DISC1: variants seen among roughly 807,000 people sequenced by gnomAD.
DISC1 encodes DISC1 scaffold protein, also known as disrupted in schizophrenia 1 protein.
A neutral mutation model predicts 84.5 loss-of-function variants in DISC1; 57 were observed. That is an observed-to-expected ratio of 0.67 (90% CI 0.55 to 0.84). DISC1 has a LOEUF of 0.84. Ranked by LOEUF, DISC1 falls within the 40% of genes least tolerant of loss-of-function variation. The pLI, the probability that DISC1 is intolerant of heterozygous loss-of-function variation, is 0.00. For synonymous variants in DISC1, 411 were observed against 415.2 expected (o/e 0.99, Z 0.12); for missense variants, 1,000 against 1,057.8 (o/e 0.95, Z 0.76).
intron 1 of DISC1, among the ~76,000 whole-genome samples, chr1:231,687,530 G>A (rs2064443978): frequency 6.6e-6 from 1 of 152,140 alleles, no homozygotes; most frequent in Admixed American, 6.5e-5. Flanking sequence ...CACAACATGG[G>A]AATTATAGGA....
At chr1:231,724,510 A>G (rs2070342540) in intron 3 of DISC1, among the ~76,000 whole-genome samples, 1 of 152,198 alleles carries the variant, frequency 6.6e-6, no homozygotes, top group African/African-American at 2.4e-5. Flanking sequence ...CCAGCGTACA[A>G]TAACCGCTGT....
At chr1:231,752,313 G>C (rs2074684990) in intron 4 of DISC1, among the ~76,000 whole-genome samples, 1 of 152,114 alleles carries the variant, frequency 6.6e-6, no homozygotes, top group African/African-American at 2.4e-5. Context: ...TTCTGGGGAG[G>C]CCTCAGTAAA....
At chr1:231,725,487 C>A (rs2070519626) in intron 3 of DISC1, among the ~76,000 whole-genome samples, 1 of 152,114 alleles carries the variant, frequency 6.6e-6, no homozygotes, top group Non-Finnish European at 1.5e-5. Context: ...TCTAAATAAC[C>A]CACCCCTCAA....
chr1:231,786,911 C>T (rs1057203838), intron 6 of DISC1, among the ~76,000 whole-genome samples: 4 of 152,144 alleles, frequency 2.6e-5, no homozygotes, highest in Non-Finnish European at 5.9e-5. Context: ...AGGCACTTCT[C>T]GTTTTGGCTG....
chr1:231,723,603 C>A (rs926671294), intron 3 of DISC1: 8 of 985,380 alleles, frequency 8.1e-6, no homozygotes, highest in Non-Finnish European at 8.4e-6. Context: ...AAATATTGGT[C>A]CTATTCTGTC....
chr1:231,967,794 TATCTC>T (rs1299778236), intron 10 of DISC1, among the ~76,000 whole-genome samples: 1 of 152,210 alleles, frequency 6.6e-6, no homozygotes, highest in East Asian at 1.9e-4. Context: ...ACTTTTACCT[TATCTC>T]ATCAGAAAAA....
At chr1:231,983,643 G>A (rs868705392) in intron 10 of DISC1, among the ~76,000 whole-genome samples, 3 of 138,364 alleles carry the variant, frequency 2.2e-5, no homozygotes, top group Non-Finnish European at 4.7e-5. Context: ...TTGGGGGTTG[G>A]GGGGAGGGGG....
At chr1:231,811,514 C>T (rs921014422) in intron 8 of DISC1, among the ~76,000 whole-genome samples, 3 of 152,218 alleles carry the variant, frequency 2.0e-5, no homozygotes, top group Non-Finnish European at 2.9e-5. Flanking sequence ...ATTCTCAGCA[C>T]TGGCTTTATT....
chr1:231,818,277 G>A (rs2081230901), intron 8 of DISC1, 52 bp from the exon 9 acceptor site: 1 of 1,564,576 alleles, frequency 6.4e-7, no homozygotes, highest in South Asian at 1.1e-5. Flanking sequence ...TTCCATGTGT[G>A]TGGATGCTGT....
chr1:231,703,188 G>C (rs963279322), intron 3 of DISC1, among the ~76,000 whole-genome samples: 1 of 152,198 alleles, frequency 6.6e-6, no homozygotes, highest in African/African-American at 2.4e-5. Context: ...ACGGGGCATG[G>C]GAGGAAGGGA....
At chr1:231,957,296 G>A (rs9308480) in intron 9 of DISC1, among the ~76,000 whole-genome samples, 3,915 of 152,082 alleles carry the variant, frequency 0.026, 157 homozygotes, top group African/African-American at 0.089. Context: ...CCCTCCCTCC[G>A]CAAACTTTTA....
In DISC1 at chr1:231,847,590, G is replaced by A. The variant is rs543281512; in HGVS notation, c.1981+29073G>A. 2.6e-5 allele frequency among the ~76,000 whole-genome samples: 4 copies of A among 152,208 alleles called. No homozygotes were observed. In the South Asian group the frequency reaches 8.3e-4, roughly 32 times the overall value. ...CCTCACCGGACCCTTCTCCGTCCTC[G>A]CTCCTTCACATGCTGGAACCTTCCT... On this transcript the variant is annotated intron_variant, in intron 9 of 12. Transcript: ENST00000439617.
intron 7 of DISC1, 152 bp from the exon 8 acceptor site, chr1:231,799,956 C>T: frequency 2.3e-6 from 1 of 429,868 alleles, no homozygotes; most frequent in Non-Finnish European, 4.1e-6. Flanking sequence ...CTTTCTTTTT[C>T]CATTGCTTGC....
intron 9 of DISC1, among the ~76,000 whole-genome samples, chr1:231,878,584 T>A (rs991451168): frequency 6.6e-6 from 1 of 152,116 alleles, no homozygotes; most frequent in African/African-American, 2.4e-5. Context: ...ACTTTCATCT[T>A]TATATAAAGG....
Position 231,801,342 on chromosome 1 carries a change from A to G in DISC1, c.1792+1132A>G, listed in dbSNP as rs550948957. On this transcript the variant is annotated intron_variant, in intron 8 of 12. Transcript: ENST00000439617. ...TTAGGGTTTTTGCCTTTCTTAATCA[A>G]TATATCTTTCCCAGGAATACCGGTG... Among the ~76,000 whole-genome samples the G allele has an allele frequency of 3.3e-5, 5 of 152,330 alleles. No individual in the cohort carries two copies. In the East Asian group the frequency reaches 9.6e-4, roughly 29 times the overall value.
At position 231,897,257 on chromosome 1, in the gene DISC1, C is replaced by T. The variant is rs557096908; in HGVS notation, c.1982-61571C>T. On this transcript the variant is annotated intron_variant, in intron 9 of 12. Transcript: ENST00000439617. This position sits in a 1 kb window ranked among gnomAD's most constrained non-coding sequence, Gnocchi z 4.5. ...AAACCTCGGTGAACTGACTTGGGTACGCTTCTGCCAGAATAAGAAGAGGTC... is the reference window on the plus strand; with the variant it reads ...AAACCTCGGTGAACTGACTTGGGTATGCTTCTGCCAGAATAAGAAGAGGTC... Among the ~76,000 whole-genome samples, 5 of 152,300 alleles carry T rather than the reference C, an allele frequency of 3.3e-5. No homozygotes were observed. Among genetic ancestry groups the T allele is most frequent in the South Asian group, 2.1e-4 (1 of 4,816 alleles).
chr1:231,818,329 G>A lies in DISC1; in HGVS notation c.1793G>A (p.Gly598Glu). 6.2e-7 allele frequency: 1 copy of A among 1,613,828 alleles called. No homozygotes were observed. Among genetic ancestry groups the A allele is most frequent in the Middle Eastern group, 1.7e-4 (1 of 5,986 alleles). ...LLEAKMHAIS[G>E]NHFWTAKDLT... is the part of the protein sequence containing the mutation. ...TCTTCTCTCCCACAACGTGCTGTAG[G>A]AAACCATTTCTGGACGGCTAAAGAC... Residue 598 changes from glycine to glutamate, a missense_variant and splice_region_variant, in exon 9 of 13, where the codon GGA becomes GAA. By Grantham distance (98) the Gly-to-Glu change is moderately conservative. Around this residue, in one of 3 missense-constraint regions of DISC1, gnomAD observed 397 missense variants for 377.5 expected, o/e 1.05. Transcript: ENST00000439617.
At chr1:231,701,854 G>A (rs1056879387) in intron 2 of DISC1, 101 bp from the exon 3 acceptor site, 2 of 983,144 alleles carry the variant, frequency 2.0e-6, no homozygotes, top group Non-Finnish European at 2.9e-6. Flanking sequence ...GAATGAAGAA[G>A]TTCAGTTTTG....
chr1:231,789,802 T>C (rs2078181696), intron 6 of DISC1, among the ~76,000 whole-genome samples: 1 of 152,148 alleles, frequency 6.6e-6, no homozygotes, highest in South Asian at 2.1e-4. Flanking sequence ...TCCCCCAAGA[T>C]TGAATTTTTA....
Sources: gnomAD v4.1 joint callset for allele counts (sites outside exome capture counted in the v4.1 genomes callset) on GRCh38, gnomAD v4.1.1 for gene constraint, gnomAD v4.1.1 regional missense constraint, Gnocchi (gnomAD v3.1) non-coding constraint, MANE v1.5 for transcripts, NCBI Gene and HGNC (gene_info 2026-07-23, HGNC 2026-07-21) for gene names.